The following ZMYM4 variants were observed in gnomAD, a reference collection of about 807,000 sequenced individuals.
ZMYM4 encodes the protein zinc finger MYM-type protein 4.
ZMYM4 carries 31 observed loss-of-function variants against 183.2 expected under a neutral mutation model. That is an observed-to-expected ratio of 0.17 (90% CI 0.13 to 0.23). ZMYM4 has a LOEUF of 0.23. Among genes scored for constraint, ZMYM4 ranks in the 10% least tolerant of loss-of-function variants. The pLI, the probability that ZMYM4 is intolerant of heterozygous loss-of-function variation, is 1.00. For synonymous variants in ZMYM4, 592 were observed against 631.2 expected (o/e 0.94, Z 0.93); for missense variants, 1,273 against 1,840.3 (o/e 0.69, Z 5.64).
rs1209370524 is a variant in ZMYM4 at position 35,268,922 on chromosome 1, G to A, written c.-125G>A. The stretch of plus-strand genomic sequence containing the variant: ...GCCCCCTCCCCACTCTCGGCGCAAG[G>A]CCCGGCCGGGTCCGGGGAAGCTGCC... On this transcript the variant is annotated 5_prime_UTR_variant, in exon 1 of 30. Transcript: ENST00000314607. The A allele has an allele frequency of 4.4e-6, 5 of 1,141,842 alleles. No individual in the cohort carries two copies. Among genetic ancestry groups the A allele is most frequent in the Non-Finnish European group, 5.6e-6 (5 of 885,316 alleles). The allele number at this position is 1,141,842 out of a possible 1,614,324, so 70.7% of individuals were successfully genotyped here.
At chr1:35,289,972 C>G (rs982782371) in intron 1 of ZMYM4, among the ~76,000 whole-genome samples, 2 of 150,146 alleles carry the variant, frequency 1.3e-5, no homozygotes, top group African/African-American at 4.9e-5. Context: ...TTTTTCTTTT[C>G]TTTTCTTTTC....
At position 35,359,168 on chromosome 1, in the gene ZMYM4, G is replaced by C. The variant is rs547783180; in HGVS notation, c.329G>C (p.Ser110Thr). 3 of 1,613,610 alleles carry C rather than the reference G, an allele frequency of 1.9e-6. No homozygotes were observed. In the South Asian group the frequency reaches 3.3e-5, roughly 18 times the overall value. Residue 110 changes from serine (S) to threonine (T), a missense_variant, in exon 3 of 30, where the codon AGC (serine) becomes ACC (threonine). Physicochemically the swap from Ser to Thr is moderately conservative, Grantham distance 58. Around this residue, in one of 6 missense-constraint regions of ZMYM4, gnomAD observed 384 missense variants for 465.6 expected, o/e 0.82. Coordinates refer to ENST00000314607, the MANE Select transcript of ZMYM4 (RefSeq NM_005095.3). The part of the protein sequence containing the change: ...NLVSSIHTDD[S>T]LEVERRVTQH... ...GTTTCTTCAATTCATACTGATGATA[G>C]CTTGGAAGTAGAGAGAAGAGTCACA...
intron 2 of ZMYM4, among the ~76,000 whole-genome samples, chr1:35,352,027 C>G (rs1195613314): frequency 6.6e-6 from 1 of 152,146 alleles, no homozygotes; most frequent in East Asian, 1.9e-4. Context: ...GAACTCACTG[C>G]TCTTTATTAG....
chr1:35,318,496 C>T (rs1642150978), intron 1 of ZMYM4, among the ~76,000 whole-genome samples: 1 of 152,138 alleles, frequency 6.6e-6, no homozygotes, highest in Admixed American at 6.5e-5. Flanking sequence ...CTCGCTCTGT[C>T]ACCCAGGCTG....
chr1:35,398,812 C>A, intron 21 of ZMYM4, 52 bp from the exon 22 acceptor site: 1 of 1,585,996 alleles, frequency 6.3e-7, no homozygotes, highest in South Asian at 1.1e-5. Flanking sequence ...CCGAGCATGT[C>A]AAGATGAGGC....
chr1:35,328,584 C>T (rs1642605840), intron 2 of ZMYM4, among the ~76,000 whole-genome samples: 1 of 151,326 alleles, frequency 6.6e-6, no homozygotes. Context: ...GAGTGAGCCA[C>T]CACACCCAGC....
intron 1 of ZMYM4, among the ~76,000 whole-genome samples, chr1:35,281,659 TAA>T (rs1004999757): frequency 4.1e-3 from 46 of 11,282 alleles, no homozygotes; most frequent in Middle Eastern, 0.056. Context: ...AATCATATAA[TAA>T]ATATATATAT....
intron 5 of ZMYM4, chr1:35,366,077 C>T (rs1258833104): frequency 6.6e-6 from 1 of 152,080 alleles, no homozygotes; most frequent in African/African-American, 2.4e-5. Flanking sequence ...CTGGAGTTTT[C>T]TGAGATTAAA....
chr1:35,301,736 A>T (rs1218104313), intron 1 of ZMYM4, among the ~76,000 whole-genome samples: 1 of 152,012 alleles, frequency 6.6e-6, no homozygotes, highest in African/African-American at 2.4e-5. Flanking sequence ...TACTCTGCAG[A>T]TCTCTGAACT....
intron 1 of ZMYM4, among the ~76,000 whole-genome samples, chr1:35,303,927 G>A (rs1226419133): frequency 6.6e-6 from 1 of 152,032 alleles, no homozygotes; most frequent in African/African-American, 2.4e-5. Context: ...TGCTTTAAGT[G>A]CATCCCCAAA....
At chr1:35,362,437 G>C (rs1643959532) in intron 5 of ZMYM4, among the ~76,000 whole-genome samples, 1 of 152,216 alleles carries the variant, frequency 6.6e-6, no homozygotes, top group African/African-American at 2.4e-5. Context: ...TAATGATGTT[G>C]CTGTTGTTGG....
At chr1:35,302,850 A>T (rs1010609249) in intron 1 of ZMYM4, among the ~76,000 whole-genome samples, 1 of 152,016 alleles carries the variant, frequency 6.6e-6, no homozygotes, top group Non-Finnish European at 1.5e-5. Context: ...AGCTGTTTTT[A>T]AAAAGAGAGC....
intron 19 of ZMYM4, chr1:35,397,149 T>C: frequency 9.0e-7 from 1 of 1,111,286 alleles, no homozygotes; most frequent in Non-Finnish European, 1.1e-6. Flanking sequence ...AATTATTCTT[T>C]TAGAGGATTC....
chr1:35,374,019 CTTTTTT>C (rs397863926), intron 7 of ZMYM4, among the ~76,000 whole-genome samples: 8 of 52,790 alleles, frequency 1.5e-4, no homozygotes, highest in Non-Finnish European at 2.6e-4. Context: ...TCATGGGATT[CTTTTTT>C]TTTTTTTTTT....
intron 2 of ZMYM4, among the ~76,000 whole-genome samples, chr1:35,357,475 G>A (rs1643862624): frequency 1.3e-5 from 2 of 152,218 alleles, no homozygotes; most frequent in Admixed American, 1.3e-4. Context: ...GGGTATGGTT[G>A]CTTCCTGAGT....
chr1:35,416,699 G>A lies in ZMYM4; in HGVS notation c.4309+985G>A, dbSNP rs893609234. ...CTGCCTCAGCCTCCCAAGTAGCTGG[G>A]ACTACAGGCATGTGCTACCACGCCT... On this transcript the variant is annotated intron_variant, in intron 28 of 29. Coordinates refer to ENST00000314607, the MANE Select transcript of ZMYM4 (RefSeq NM_005095.3). Among the ~76,000 whole-genome samples, 5 of 152,278 alleles carry A rather than the reference G, an allele frequency of 3.3e-5. No individual in the cohort carries two copies. The East Asian group carries it at 9.6e-4, about 29-fold the overall frequency.
Position 35,419,745 on chromosome 1 carries a change from G to A in ZMYM4, c.*68G>A, listed in dbSNP as rs1444496975. 9.4e-6 allele frequency: 14 copies of A among 1,494,762 alleles called. No homozygotes were observed. In the Admixed American group the frequency reaches 2.3e-4, roughly 25 times the overall value. 92.6% of individuals were successfully genotyped at this position (1,494,762 alleles called of 1,614,324 possible). A position where few individuals can be genotyped will look rare whatever the true frequency, so the allele number is the denominator to read the frequency against. On this transcript the variant is annotated 3_prime_UTR_variant, in exon 30 of 30. Transcript: ENST00000314607. ...CAAACTGTGAATGCATCCAGCTGTT[G>A]GAAAATGATGTATAAGTCTAAGTCC...
chr1:35,371,236 C>T (rs1644206853), intron 7 of ZMYM4, among the ~76,000 whole-genome samples: 1 of 151,980 alleles, frequency 6.6e-6, no homozygotes, highest in Non-Finnish European at 1.5e-5. Flanking sequence ...CTGCCTCGGC[C>T]TCCTGAGTAG....
chr1:35,278,160 T>G (rs1639965937), intron 1 of ZMYM4, among the ~76,000 whole-genome samples: 1 of 152,120 alleles, frequency 6.6e-6, no homozygotes, highest in Admixed American at 6.5e-5. Context: ...TCCCTTGGTC[T>G]TCTTTCTGCA....
Sources: gnomAD v4.1 joint callset for allele counts (sites outside exome capture counted in the v4.1 genomes callset) on GRCh38, gnomAD v4.1.1 for gene constraint, gnomAD v4.1.1 regional missense constraint, MANE v1.5 for transcripts, NCBI Gene and HGNC (gene_info 2026-07-23, HGNC 2026-07-21) for gene names.